AGBL4: variants seen among roughly 807,000 people sequenced by gnomAD.
AGBL4 encodes AGBL carboxypeptidase 4, also known as cytosolic carboxypeptidase 6.
In AGBL4, 58 loss-of-function variants were observed where a neutral mutation model predicts 66.4. That is an observed-to-expected ratio of 0.87 (90% CI 0.71 to 1.09). The LOEUF (loss-of-function observed/expected upper bound fraction) is 1.09, where lower values mean the gene tolerates loss of function less well. Among genes scored for constraint, AGBL4 ranks in the 50% least tolerant of loss-of-function variants. The pLI is 0.00. For missense variants in AGBL4, 579 were observed against 631.0 expected, an observed-to-expected ratio of 0.92 and a Z score of 0.88; for synonymous variants, 234 against 222.9, an observed-to-expected ratio of 1.05 and a Z score of -0.44.
intron 6 of AGBL4, among the ~76,000 whole-genome samples, chr1:48,828,791 T>C (rs1046511304): frequency 1.1e-4 from 16 of 152,196 alleles, no homozygotes; most frequent in Non-Finnish European, 2.4e-4. Context: ...TTTCCTCTCA[T>C]ATTTGAATTG....
intron 4 of AGBL4, among the ~76,000 whole-genome samples, chr1:49,176,018 A>T (rs1443188287): frequency 6.6e-6 from 1 of 152,136 alleles, no homozygotes. Context: ...TACAATACAC[A>T]ATCACTCTAG....
chr1:49,634,135 T>A (rs1645625056), intron 3 of AGBL4, among the ~76,000 whole-genome samples: 1 of 152,012 alleles, frequency 6.6e-6, no homozygotes, highest in Non-Finnish European at 1.5e-5. Context: ...TACATAGGTA[T>A]ACAGGCGCCA....
At chr1:49,666,278 T>C (rs1646365761) in intron 3 of AGBL4, among the ~76,000 whole-genome samples, 1 of 152,128 alleles carries the variant, frequency 6.6e-6, no homozygotes, top group African/African-American at 2.4e-5. Context: ...TTAAATGGCT[T>C]TACAGGCCAG....
At chr1:48,852,015 C>CTTTTTTTTTTTTTTTT (rs138826187) in intron 6 of AGBL4, among the ~76,000 whole-genome samples, 2 of 71,932 alleles carry the variant, frequency 2.8e-5, no homozygotes, top group African/African-American at 1.0e-4. Context: ...CAGATACGTA[C>CTTTTTTTTTTTTTTTT]TTTTTTTTTT....
intron 1 of AGBL4, among the ~76,000 whole-genome samples, chr1:49,979,862 T>G (rs747245601): frequency 1.6e-4 from 24 of 152,220 alleles, no homozygotes; most frequent in Non-Finnish European, 3.1e-4. Context: ...CAAAAAAAAA[T>G]TAATTGCTTG....
intron 11 of AGBL4, among the ~76,000 whole-genome samples, chr1:48,550,173 T>G (rs2148280987): frequency 6.6e-6 from 1 of 152,082 alleles, no homozygotes. Context: ...TCGAAATTAG[T>G]TTTCCATTGC....
rs935179823 is a variant in AGBL4, at chr1:48,561,023, G to A, written c.1268-21285C>T. 2.0e-5 allele frequency among the ~76,000 whole-genome samples: 3 copies of A among 152,300 alleles called. No individual in the cohort carries two copies. The East Asian group carries it at 5.8e-4, about 29-fold the overall frequency. ...GACCCTGCACCCTGGCCATACTGCA[G>A]TGCTAGTCATTCCCTAATGCTCCAT... On this transcript the variant is annotated intron_variant, in intron 11 of 13. Transcript: ENST00000371839.
At chr1:49,932,569 T>C (rs1015791818) in intron 1 of AGBL4, among the ~76,000 whole-genome samples, 1 of 152,074 alleles carries the variant, frequency 6.6e-6, no homozygotes. Context: ...GTCAAGACAC[T>C]AACCGGATGA....
chr1:48,733,594 T>C (rs1402909623), intron 6 of AGBL4, among the ~76,000 whole-genome samples: 1 of 151,884 alleles, frequency 6.6e-6, no homozygotes, highest in East Asian at 1.9e-4. Context: ...CCAGCTGGGG[T>C]TGGAGCTAAG....
At chr1:48,994,703 T>C (rs1047339839) in intron 5 of AGBL4, among the ~76,000 whole-genome samples, 1 of 152,208 alleles carries the variant, frequency 6.6e-6, no homozygotes, top group Non-Finnish European at 1.5e-5. Flanking sequence ...ACTTATGATG[T>C]TGAAATACTT....
chr1:49,539,180 G>C (rs1338179286), intron 3 of AGBL4, among the ~76,000 whole-genome samples: 1 of 152,076 alleles, frequency 6.6e-6, no homozygotes, highest in African/African-American at 2.4e-5. Flanking sequence ...AAAATATACA[G>C]TATAATGTCA....
intron 6 of AGBL4, among the ~76,000 whole-genome samples, chr1:48,735,597 C>T (rs943872407): frequency 6.6e-6 from 1 of 151,958 alleles, no homozygotes; most frequent in Non-Finnish European, 1.5e-5. Context: ...GGATACAGCC[C>T]TATCTTTAGG....
At chr1:49,524,639 T>C (rs1374144202) in intron 3 of AGBL4, among the ~76,000 whole-genome samples, 1 of 152,004 alleles carries the variant, frequency 6.6e-6, no homozygotes, top group African/African-American at 2.4e-5. Context: ...TTTTTTCCAT[T>C]ATCAGACACA....
Position 49,402,819 on chromosome 1 carries a change from G to A in AGBL4, c.283-156955C>T, listed in dbSNP as rs1645115633. 3.9e-5 allele frequency among the ~76,000 whole-genome samples: 6 copies of A among 152,126 alleles called. No homozygotes were observed. The South Asian group carries it at 8.3e-4, about 21-fold the overall frequency. On this transcript the variant is annotated intron_variant, in intron 3 of 13. Transcript: ENST00000371839. ...TGACCTCAGGTGATCTGCCCGCCTTGGCCTCCCAAAGTGCTGGGATCACAG... is the reference window on the plus strand; with the variant it reads ...TGACCTCAGGTGATCTGCCCGCCTTAGCCTCCCAAAGTGCTGGGATCACAG...
intron 1 of AGBL4, among the ~76,000 whole-genome samples, chr1:49,936,325 T>C (rs1005087158): frequency 6.6e-6 from 1 of 151,864 alleles, no homozygotes; most frequent in Admixed American, 6.6e-5. Context: ...CTCCAAGAAA[T>C]ATGGGACTAT....
chr1:48,872,598 C>T (rs935026176), intron 5 of AGBL4, among the ~76,000 whole-genome samples: 3 of 152,084 alleles, frequency 2.0e-5, no homozygotes, highest in Non-Finnish European at 4.4e-5. Flanking sequence ...TTAGAAGATA[C>T]TCTTTTATTT....
At chr1:49,708,815 T>C (rs1361783206) in intron 2 of AGBL4, among the ~76,000 whole-genome samples, 2 of 152,132 alleles carry the variant, frequency 1.3e-5, no homozygotes, top group Admixed American at 1.3e-4. Context: ...AGGCCCCTAT[T>C]CTGAAGCTCT....
At chr1:48,675,911 C>T (rs1000142104) in intron 6 of AGBL4, among the ~76,000 whole-genome samples, 5 of 152,146 alleles carry the variant, frequency 3.3e-5, no homozygotes, top group African/African-American at 9.7e-5. Context: ...CCATCACCAG[C>T]GAATGGAATC....
chr1:48,768,836 A>T (rs954191069), intron 6 of AGBL4, among the ~76,000 whole-genome samples: 2 of 152,256 alleles, frequency 1.3e-5, no homozygotes, highest in Non-Finnish European at 2.9e-5. Flanking sequence ...TTATGTTTGC[A>T]TTAAAAACAG....
Sources: allele counts gnomAD v4.1 joint callset (sites outside exome capture counted in the v4.1 genomes callset), GRCh38; gene constraint gnomAD v4.1.1; transcripts MANE v1.5; gene names NCBI Gene and HGNC (gene_info 2026-07-23, HGNC 2026-07-21).